MAGI2: variants seen among roughly 807,000 people sequenced by gnomAD.
MAGI2 encodes the protein membrane-associated guanylate kinase, WW and PDZ domain-containing protein 2.
In MAGI2, 35 loss-of-function variants were observed where a neutral mutation model predicts 133.3. The ratio of observed to expected loss-of-function variants is 0.26; its 90% confidence interval spans 0.20 to 0.35. MAGI2 has a LOEUF of 0.35. MAGI2 is among the 10% of genes least tolerant of loss of function. The probability of loss-of-function intolerance (pLI) is 1.00; values close to 1 mark genes in which losing one functional copy is unlikely to be tolerated. For missense variants in MAGI2, 1,636 were observed against 1,863.4 expected, an observed-to-expected ratio of 0.88 and a Z score of 2.25; for synonymous variants, 729 against 710.6, an observed-to-expected ratio of 1.03 and a Z score of -0.41.
At chr7:79,186,488 C>T (rs1425425479) in intron 1 of MAGI2, among the ~76,000 whole-genome samples, 1 of 148,412 alleles carries the variant, frequency 6.7e-6, no homozygotes, top group Middle Eastern at 3.2e-3. Flanking sequence ...AACAATTGTG[C>T]AAGTAGATTT....
intron 2 of MAGI2, among the ~76,000 whole-genome samples, chr7:78,817,470 T>C (rs921890290): frequency 3.9e-5 from 6 of 152,144 alleles, no homozygotes; most frequent in East Asian, 1.9e-4. Context: ...AGTTAATCCA[T>C]GTGGCAAACT....
chr7:78,233,209 A>G (rs1231954832), intron 10 of MAGI2, among the ~76,000 whole-genome samples: 1 of 152,150 alleles, frequency 6.6e-6, no homozygotes, highest in African/African-American at 2.4e-5. Flanking sequence ...GAGGTTACAG[A>G]GTGATAAAAC....
At chr7:78,232,416 C>T (rs1790075379) in intron 10 of MAGI2, among the ~76,000 whole-genome samples, 1 of 152,160 alleles carries the variant, frequency 6.6e-6, no homozygotes, top group East Asian at 1.9e-4. Context: ...TCATGTTTTA[C>T]AATACATGTG....
chr7:79,262,499 G>T (rs1834158518), intron 1 of MAGI2, among the ~76,000 whole-genome samples: 1 of 152,152 alleles, frequency 6.6e-6, no homozygotes, highest in South Asian at 2.1e-4. Context: ...AAATATTTTT[G>T]AGCTAATAAG....
chr7:78,292,174 T>C (rs1286230356), intron 9 of MAGI2, among the ~76,000 whole-genome samples: 2 of 152,046 alleles, frequency 1.3e-5, no homozygotes, highest in Admixed American at 6.6e-5. Flanking sequence ...GATTGTATAC[T>C]TAGAAAACCC....
intron 1 of MAGI2, among the ~76,000 whole-genome samples, chr7:79,199,809 G>A (rs539811923): frequency 1.3e-5 from 2 of 152,006 alleles, no homozygotes; most frequent in East Asian, 3.9e-4. Flanking sequence ...AGGAAACCAA[G>A]CAAGACATGC....
intron 1 of MAGI2, among the ~76,000 whole-genome samples, chr7:79,168,062 CA>C (rs1285245478): frequency 6.6e-6 from 1 of 152,130 alleles, no homozygotes; most frequent in Admixed American, 6.6e-5. Flanking sequence ...CTTCGTTTCC[CA>C]TAAGGGATAC....
At chr7:79,280,596 G>T (rs1835561907) in intron 1 of MAGI2, among the ~76,000 whole-genome samples, 2 of 151,982 alleles carry the variant, frequency 1.3e-5, no homozygotes, top group African/African-American at 4.8e-5. Flanking sequence ...ACACAAACTG[G>T]TGGCAAAAGA....
At position 78,721,412 on chromosome 7, in the gene MAGI2, A is replaced by G. The variant is rs139311675; in HGVS notation, c.419-94173T>C. 6.7e-3 allele frequency among the ~76,000 whole-genome samples: 1,012 copies of G among 152,162 alleles called. 15 individuals are homozygous for G. The highest frequency in any genetic ancestry group is 0.023 in the African/African-American group (975 of 41,560). On this transcript the variant is annotated intron_variant, in intron 2 of 21. Transcript: ENST00000354212. ...ACTATTTGTAGGTTCCTTTAAAAAAATCAATATGCCTGTACCTTCAAGTTA... is the reference window on the plus strand; with the variant it reads ...ACTATTTGTAGGTTCCTTTAAAAAAGTCAATATGCCTGTACCTTCAAGTTA...
intron 1 of MAGI2, among the ~76,000 whole-genome samples, chr7:79,431,851 T>A (rs572786933): frequency 6.6e-6 from 1 of 152,346 alleles, no homozygotes; most frequent in Admixed American, 6.5e-5. Flanking sequence ...TTTAGCAATA[T>A]AGCAAAGTGG....
intron 2 of MAGI2, among the ~76,000 whole-genome samples, chr7:78,960,747 G>A (rs1217401086): frequency 6.6e-6 from 1 of 152,096 alleles, no homozygotes; most frequent in Admixed American, 6.6e-5. Context: ...TAGTTAGTGA[G>A]TTAGCTAGAA....
intron 2 of MAGI2, among the ~76,000 whole-genome samples, chr7:78,741,374 GAAACACACAC>G (rs1822404341): frequency 1.2e-5 from 1 of 84,160 alleles, no homozygotes; most frequent in Non-Finnish European, 2.3e-5. Flanking sequence ...GAAAAAAGTT[GAAACACACAC>G]ACACACACAC....
intron 2 of MAGI2, among the ~76,000 whole-genome samples, chr7:78,649,263 C>G (rs1811285132): frequency 2.2e-5 from 1 of 44,542 alleles, no homozygotes; most frequent in Admixed American, 2.0e-4. Flanking sequence ...AGTAATGACA[C>G]TTTTTAAAAA....
intron 1 of MAGI2, among the ~76,000 whole-genome samples, chr7:79,351,239 T>C (rs1237000868): frequency 6.6e-6 from 1 of 152,198 alleles, no homozygotes; most frequent in East Asian, 1.9e-4. Flanking sequence ...GAATTTACAC[T>C]AAATTAAGTA....
At chr7:78,638,013 A>C (rs377315213) in intron 2 of MAGI2, among the ~76,000 whole-genome samples, 2 of 152,076 alleles carry the variant, frequency 1.3e-5, no homozygotes, top group East Asian at 1.9e-4. Flanking sequence ...GCAGTGACTC[A>C]AGATCATGCC....
chr7:78,570,585 G>C (rs1279645209), intron 3 of MAGI2, among the ~76,000 whole-genome samples: 1 of 152,116 alleles, frequency 6.6e-6, no homozygotes, highest in Non-Finnish European at 1.5e-5. Context: ...ATGCAGTTCT[G>C]TGATAGGAAC....
chr7:79,356,571 T>G (rs1842033091), intron 1 of MAGI2, among the ~76,000 whole-genome samples: 1 of 152,192 alleles, frequency 6.6e-6, no homozygotes, highest in South Asian at 2.1e-4. Flanking sequence ...TCCAAAGCCT[T>G]GATATTTTAT....
chr7:78,981,607 AT>A (rs1804790157), intron 2 of MAGI2, among the ~76,000 whole-genome samples: 1 of 151,662 alleles, frequency 6.6e-6, no homozygotes, highest in Non-Finnish European at 1.5e-5. Context: ...TAATCTTGCC[AT>A]TTGTTGCATC....
chr7:78,733,710 G>A lies in MAGI2; in HGVS notation c.419-106471C>T, dbSNP rs539496981. Among the ~76,000 whole-genome samples, 8 of 152,260 alleles carry A rather than the reference G, an allele frequency of 5.3e-5. No homozygotes were observed. In the East Asian group the frequency reaches 1.4e-3, roughly 26 times the overall value. The stretch of plus-strand genomic sequence containing the variant: ...ATACTTGTCTGTAGGAAATCAGACA[G>A]CAAAATCTTTATATTGTGTTATAAT... On this transcript the variant is annotated intron_variant, in intron 2 of 21. Coordinates refer to ENST00000354212, the MANE Select transcript of MAGI2 (RefSeq NM_012301.4).
Sources: allele counts gnomAD v4.1 joint callset (sites outside exome capture counted in the v4.1 genomes callset), GRCh38; gene constraint gnomAD v4.1.1; transcripts MANE v1.5; gene names NCBI Gene and HGNC (gene_info 2026-07-23, HGNC 2026-07-21).